Variants in NUFIP2 observed in about 807,000 individuals in gnomAD.
The protein encoded by NUFIP2 is nuclear FMR1 interacting protein 2.
Under a neutral mutation model 56.9 loss-of-function variants are expected in NUFIP2, and 6 were observed. That is an observed-to-expected ratio of 0.11 (90% CI 0.06 to 0.21). The LOEUF is 0.21. NUFIP2 is among the 10% of genes least tolerant of loss of function. The probability of loss-of-function intolerance (pLI) is 1.00; values close to 1 mark genes in which losing one functional copy is unlikely to be tolerated. For synonymous variants in NUFIP2, 321 were observed against 298.2 expected, an observed-to-expected ratio of 1.08 and a Z score of -0.79; for missense variants, 828 against 826.8, an observed-to-expected ratio of 1.00 and a Z score of -0.02.
intron 2 of NUFIP2, among the ~76,000 whole-genome samples, chr17:29,280,763 A>C (rs2069134736): frequency 6.6e-6 from 1 of 152,140 alleles, no homozygotes; most frequent in Non-Finnish European, 1.5e-5. Context: ...AGGTGGGCGG[A>C]GAACTTGAGG....
chr17:29,287,159 T>C lies in NUFIP2; in HGVS notation c.835A>G (p.Ile279Val), dbSNP rs778597714. The change falls in exon 2 of 4, where the codon ATT becomes GTT. Residue 279 changes from isoleucine (I) to valine (V), a missense_variant. Physicochemically the swap from Ile to Val is conservative, Grantham distance 29 (BLOSUM62 3). Transcript: ENST00000225388. ...KGNRVDGSKPIWKYETGPGGT... is the reference protein window; with the variant it reads ...KGNRVDGSKPVWKYETGPGGT... The stretch of plus-strand genomic sequence containing the variant: ...CCAGGCCCAGTTTCATACTTCCAAA[T>C]GGGCTTCGAACCATCTACTCGATTT... The C allele has an allele frequency of 6.2e-7, 1 of 1,614,210 alleles. No homozygotes were observed. The highest frequency in any genetic ancestry group is 2.2e-5 in the East Asian group (1 of 44,894).
chr17:29,286,464 T>C lies in NUFIP2; in HGVS notation c.1530A>G (p.Ser510=), dbSNP rs199855505. 6.8e-6 allele frequency: 11 copies of C among 1,614,084 alleles called. No homozygotes were observed. Among genetic ancestry groups the C allele is most frequent in the Non-Finnish European group, 8.5e-6 (10 of 1,180,048 alleles). ...GGCCAGCACTGGGCTCATTTATAAA[T>C]GATAAACCCCACTGATTCTGGAAGA... The part of the protein sequence containing the change: ...GDIFQNQWGL[S]FINEPSAGPE... The change falls in exon 2 of 4, where the codon TCA becomes TCG. Residue 510 remains serine (S), a synonymous_variant. Coordinates refer to ENST00000225388, the MANE Select transcript of NUFIP2 (RefSeq NM_020772.3).
In NUFIP2 at chr17:29,269,518, T is replaced by G. The variant is rs573332903; in HGVS notation, c.2003-1988A>C. On this transcript the variant is annotated intron_variant, in intron 2 of 3. Coordinates refer to ENST00000225388, the MANE Select transcript of NUFIP2 (RefSeq NM_020772.3). ...GTAAAAACCAAATTTTTTTTTTTTT[T>G]TGCACAGGGGGACAAGGTCTTGCTC... Among the ~76,000 whole-genome samples the G allele has an allele frequency of 5.9e-5, 9 of 152,148 alleles. No individual in the cohort carries two copies. In the South Asian group the frequency reaches 1.9e-3, roughly 32 times the overall value.
At chr17:29,275,642 T>C (rs1384008394) in intron 2 of NUFIP2, among the ~76,000 whole-genome samples, 2 of 152,208 alleles carry the variant, frequency 1.3e-5, no homozygotes, top group African/African-American at 2.4e-5. Context: ...TCAACATTTA[T>C]GCAGTTGCCT....
chr17:29,260,852 G>C lies in NUFIP2; in HGVS notation c.*3687C>G, dbSNP rs1467498214. The C allele has an allele frequency of 6.6e-6, 1 of 152,058 alleles. No homozygotes were observed. The highest frequency in any genetic ancestry group is 1.5e-5 in the Non-Finnish European group (1 of 68,002). The allele number at this position is 152,058 out of a possible 1,614,324, so 9.4% of individuals were successfully genotyped here. ...AGGAGGACAACAAAATTCTAAAATG[G>C]AGAAACTCTGGCCATTTATTTCAAA... On this transcript the variant is annotated 3_prime_UTR_variant, in exon 4 of 4. Coordinates refer to ENST00000225388, the MANE Select transcript of NUFIP2 (RefSeq NM_020772.3).
chr17:29,268,571 G>C (rs547249928), intron 2 of NUFIP2, among the ~76,000 whole-genome samples: 3 of 151,968 alleles, frequency 2.0e-5, no homozygotes. Flanking sequence ...AGGCTGGAGC[G>C]CAATGGCACG....
At chr17:29,278,771 C>T (rs1301242663) in intron 2 of NUFIP2, among the ~76,000 whole-genome samples, 1 of 151,956 alleles carries the variant, frequency 6.6e-6, no homozygotes. Flanking sequence ...TTTTAACTTC[C>T]AAAAATTCCT....
At chr17:29,275,143 C>A (rs189293834) in intron 2 of NUFIP2, among the ~76,000 whole-genome samples, 17 of 152,046 alleles carry the variant, frequency 1.1e-4, no homozygotes, top group South Asian at 8.3e-4. Flanking sequence ...CTCAGCCCCC[C>A]CCAAGCAGCT....
chr17:29,270,873 A>G (rs1254181770), intron 2 of NUFIP2, among the ~76,000 whole-genome samples: 1 of 152,166 alleles, frequency 6.6e-6, no homozygotes, highest in African/African-American at 2.4e-5. Flanking sequence ...TTAACCACCT[A>G]TAAGTAACAT....
chr17:29,256,753 G>A lies in NUFIP2; in HGVS notation c.*7786C>T, dbSNP rs919395586. On this transcript the variant is annotated 3_prime_UTR_variant, in exon 4 of 4. Coordinates refer to ENST00000225388, the MANE Select transcript of NUFIP2 (RefSeq NM_020772.3). ...TATAAGTACACATACACAAAGTAAAGCTATTTAGTACATACAGATTGCAGC... is the reference window on the plus strand; with the variant it reads ...TATAAGTACACATACACAAAGTAAAACTATTTAGTACATACAGATTGCAGC... The A allele has an allele frequency of 4.0e-5, 6 of 151,746 alleles. No homozygotes were observed. The highest frequency in any genetic ancestry group is 1.5e-5 in the Non-Finnish European group (1 of 67,976). 9.4% of individuals were successfully genotyped at this position (151,746 alleles called of 1,614,324 possible). A position where few individuals can be genotyped will look rare whatever the true frequency, so the allele number is the denominator to read the frequency against.
chr17:29,259,105 T>C lies in NUFIP2; in HGVS notation c.*5434A>G, dbSNP rs918203721. ...ATTTTAAGAATAAAGCAGACATCAC[T>C]AAAGCAGTATCCATTTTCAGAGCCT... On this transcript the variant is annotated 3_prime_UTR_variant, in exon 4 of 4. Transcript: ENST00000225388. The C allele has an allele frequency of 5.3e-5, 8 of 152,158 alleles. No individual in the cohort carries two copies. The highest frequency in any genetic ancestry group is 1.9e-4 in the African/African-American group (8 of 41,434). The allele number at this position is 152,158 out of a possible 1,614,324, so 9.4% of individuals were successfully genotyped here. A position where few individuals can be genotyped will look rare whatever the true frequency, so the allele number is the denominator to read the frequency against.
At chr17:29,265,690 A>C (rs2069031665) in intron 3 of NUFIP2, among the ~76,000 whole-genome samples, 1 of 144,562 alleles carries the variant, frequency 6.9e-6, no homozygotes, top group Non-Finnish European at 1.5e-5. Flanking sequence ...TTCCCTAAGA[A>C]CTTTTTCAAG....
chr17:29,273,521 C>T (rs988196280), intron 2 of NUFIP2, among the ~76,000 whole-genome samples: 1 of 151,970 alleles, frequency 6.6e-6, no homozygotes, highest in Non-Finnish European at 1.5e-5. Flanking sequence ...CACACACACA[C>T]ACACAGACAC....
chr17:29,268,721 G>A (rs940023335), intron 2 of NUFIP2, among the ~76,000 whole-genome samples: 6 of 151,820 alleles, frequency 4.0e-5, no homozygotes, highest in African/African-American at 7.3e-5. Context: ...TAGAGAGGGG[G>A]TTTCTCCTTG....
intron 3 of NUFIP2, among the ~76,000 whole-genome samples, chr17:29,266,582 A>T (rs1447328444): frequency 6.6e-5 from 10 of 152,172 alleles, no homozygotes; most frequent in African/African-American, 2.2e-4. Context: ...TGAATAGGAT[A>T]CAATTCAGGC....
chr17:29,293,836 T>C lies in NUFIP2; in HGVS notation c.224A>G (p.His75Arg). The C allele has an allele frequency of 1.2e-6, 2 of 1,604,076 alleles. No individual in the cohort carries two copies. Among genetic ancestry groups the C allele is most frequent in the South Asian group, 1.1e-5 (1 of 90,704 alleles). ...CTGCTGGAGGGTGTGTTTCTGCTCATGTTTCAGCGGCTTTGGCTGGGCCTT... is the reference window on the plus strand; with the variant it reads ...CTGCTGGAGGGTGTGTTTCTGCTCACGTTTCAGCGGCTTTGGCTGGGCCTT... ...SPKAQPKPLKHEQKHTLQQHQ... is the reference protein window; with the variant it reads ...SPKAQPKPLKREQKHTLQQHQ... The change falls in exon 1 of 4, where the codon CAT becomes CGT. Residue 75 changes from histidine to arginine, a missense_variant. Coordinates refer to ENST00000225388, the MANE Select transcript of NUFIP2 (RefSeq NM_020772.3).
chr17:29,280,025 CCAGGTTGGT>C (rs1201846132), intron 2 of NUFIP2, among the ~76,000 whole-genome samples: 2 of 152,148 alleles, frequency 1.3e-5, no homozygotes, highest in Non-Finnish European at 2.9e-5. Flanking sequence ...GTCATGTTGG[CCAGGTTGGT>C]CTCAAACTCC....
rs1346760098 is a variant in NUFIP2 at position 29,257,919 on chromosome 17, C to T, written c.*6620G>A. ...CAAAAAAAGTAAATCACTTCCCCAGCTTATAAAATAGTTCCAGTTTCGCAA... is the reference window on the plus strand; with the variant it reads ...CAAAAAAAGTAAATCACTTCCCCAGTTTATAAAATAGTTCCAGTTTCGCAA... On this transcript the variant is annotated 3_prime_UTR_variant, in exon 4 of 4. Coordinates refer to ENST00000225388, the MANE Select transcript of NUFIP2 (RefSeq NM_020772.3). The T allele has an allele frequency of 1.3e-5, 2 of 152,148 alleles. No individual in the cohort carries two copies. The highest frequency in any genetic ancestry group is 2.9e-5 in the Non-Finnish European group (2 of 68,014). The allele number at this position is 152,148 out of a possible 1,614,324, so 9.4% of individuals were successfully genotyped here.
chr17:29,290,833 T>C (rs776727863), intron 1 of NUFIP2, among the ~76,000 whole-genome samples: 1 of 151,996 alleles, frequency 6.6e-6, no homozygotes, highest in Non-Finnish European at 1.5e-5. Context: ...TTGGGCCCAT[T>C]AGTCACAACT....
Sources: gnomAD v4.1 joint callset for allele counts (sites outside exome capture counted in the v4.1 genomes callset) on GRCh38, gnomAD v4.1.1 for gene constraint, MANE v1.5 for transcripts, NCBI Gene and HGNC (gene_info 2026-07-23, HGNC 2026-07-21) for gene names.